The following ARHGAP15 variants were observed in gnomAD, a reference collection of about 807,000 sequenced individuals.
ARHGAP15 encodes the protein Rho GTPase activating protein 15, also known as rho GTPase-activating protein 15.
A neutral mutation model predicts 63.7 loss-of-function variants in ARHGAP15; 51 were observed. The ratio of observed to expected loss-of-function variants is 0.80; its 90% confidence interval spans 0.64 to 1.01. ARHGAP15 has a LOEUF of 1.01. Ranked by LOEUF, ARHGAP15 falls within the 50% of genes least tolerant of loss-of-function variation. The pLI is 0.00. For synonymous variants in ARHGAP15, 191 were observed against 193.8 expected (o/e 0.99, Z 0.12); for missense variants, 560 against 564.6 (o/e 0.99, Z 0.08).
chr2:143,505,274 T>G (rs1298117874), intron 9 of ARHGAP15, among the ~76,000 whole-genome samples: 3 of 152,202 alleles, frequency 2.0e-5, no homozygotes, highest in Admixed American at 2.0e-4. Flanking sequence ...GTCCCCTCCC[T>G]CCATAAGAGG....
At chr2:143,276,433 T>A (rs1245333595) in intron 6 of ARHGAP15, among the ~76,000 whole-genome samples, 1 of 152,240 alleles carries the variant, frequency 6.6e-6, no homozygotes, top group Non-Finnish European at 1.5e-5. Flanking sequence ...CAGAGGTGGG[T>A]TGCCTGTAGT....
intron 6 of ARHGAP15, among the ~76,000 whole-genome samples, chr2:143,370,985 T>C (rs1696170865): frequency 6.6e-6 from 1 of 152,224 alleles, no homozygotes; most frequent in African/African-American, 2.4e-5. Flanking sequence ...TCAAAATAGT[T>C]GTACAATGTG....
chr2:143,322,277 A>T (rs1299406200), intron 6 of ARHGAP15, among the ~76,000 whole-genome samples: 2 of 152,234 alleles, frequency 1.3e-5, no homozygotes, highest in Non-Finnish European at 2.9e-5. Context: ...TTGATTTGCC[A>T]AGAAAATCCG....
At chr2:143,710,367 C>T (rs759936563) in intron 13 of ARHGAP15, among the ~76,000 whole-genome samples, 13 of 151,964 alleles carry the variant, frequency 8.6e-5, no homozygotes, top group Non-Finnish European at 1.3e-4. Flanking sequence ...ACTCTGATCG[C>T]GAGGGTGAAG....
chr2:143,661,275 T>C (rs952781412), intron 12 of ARHGAP15, among the ~76,000 whole-genome samples: 1 of 152,228 alleles, frequency 6.6e-6, no homozygotes, highest in African/African-American at 2.4e-5. Flanking sequence ...GATAGCATTT[T>C]CATAGGTTCC....
chr2:143,488,343 G>A (rs1383799321), intron 9 of ARHGAP15, among the ~76,000 whole-genome samples: 3 of 152,170 alleles, frequency 2.0e-5, no homozygotes, highest in Non-Finnish European at 2.9e-5. Flanking sequence ...ATCACTGTTA[G>A]TGTGTCAAAT....
intron 8 of ARHGAP15, among the ~76,000 whole-genome samples, chr2:143,451,490 A>G (rs1402871667): frequency 6.6e-6 from 1 of 151,924 alleles, no homozygotes; most frequent in African/African-American, 2.4e-5. Context: ...TTTATTTGTC[A>G]TCAGATCCCA....
In ARHGAP15 at chr2:143,742,597, G is replaced by A. The variant is rs961278122; in HGVS notation, c.1245-25392G>A. ...AAAGAAAGGTTTAAAAGGAAATTGA[G>A]TCTGTGTTTACAAAACGATTCCAAT... is the stretch of plus-strand genomic sequence containing the variant. On this transcript the variant is annotated intron_variant, in intron 13 of 13. Transcript: ENST00000295095. Among the ~76,000 whole-genome samples the A allele has an allele frequency of 1.6e-4, 25 of 152,198 alleles. 1 individual carries two copies. Among genetic ancestry groups the A allele is most frequent in the African/African-American group, 6.0e-4 (25 of 41,442 alleles).
At chr2:143,710,021 T>C (rs1684506367) in intron 13 of ARHGAP15, among the ~76,000 whole-genome samples, 1 of 152,236 alleles carries the variant, frequency 6.6e-6, no homozygotes, top group Admixed American at 6.5e-5. Context: ...TGCTGTCTTC[T>C]GGCACTCCAT....
intron 9 of ARHGAP15, among the ~76,000 whole-genome samples, chr2:143,497,145 T>A (rs77867732): frequency 0.099 from 15,111 of 152,270 alleles, 978 homozygotes; most frequent in South Asian, 0.17. Context: ...TTAAGCATAC[T>A]CTGTGCTCTA....
At chr2:143,655,680 C>A (rs969317266) in intron 12 of ARHGAP15, among the ~76,000 whole-genome samples, 1 of 152,056 alleles carries the variant, frequency 6.6e-6, no homozygotes, top group Non-Finnish European at 1.5e-5. Context: ...ACTTTACTAA[C>A]CTTGGTAAAA....
chr2:143,337,118 G>A (rs2105275532), intron 6 of ARHGAP15, among the ~76,000 whole-genome samples: 1 of 152,234 alleles, frequency 6.6e-6, no homozygotes, highest in South Asian at 2.1e-4. Flanking sequence ...AGAAGGTGGA[G>A]CTTGGATAGG....
intron 1 of ARHGAP15, among the ~76,000 whole-genome samples, chr2:143,140,046 G>A (rs1429925561): frequency 1.3e-5 from 2 of 152,138 alleles, no homozygotes; most frequent in Non-Finnish European, 2.9e-5. Context: ...GGTAAGAGTA[G>A]CAGTAGTAAT....
intron 11 of ARHGAP15, among the ~76,000 whole-genome samples, chr2:143,610,454 A>G (rs2105215260): frequency 6.6e-6 from 1 of 152,312 alleles, no homozygotes; most frequent in African/African-American, 2.4e-5. Context: ...GAGAGTATAA[A>G]TCTGATGGGT....
intron 6 of ARHGAP15, among the ~76,000 whole-genome samples, chr2:143,417,847 G>A (rs1688751897): frequency 1.3e-5 from 2 of 152,128 alleles, no homozygotes; most frequent in African/African-American, 4.8e-5. Context: ...ATATCCAAAT[G>A]TCATAATATT....
intron 6 of ARHGAP15, among the ~76,000 whole-genome samples, chr2:143,288,219 C>T (rs1293461463): frequency 1.3e-5 from 2 of 152,160 alleles, no homozygotes; most frequent in African/African-American, 2.4e-5. Context: ...GAGTGTCACT[C>T]ATATGTATGC....
chr2:143,539,476 T>G (rs925556527), intron 10 of ARHGAP15, among the ~76,000 whole-genome samples: 2 of 152,154 alleles, frequency 1.3e-5, no homozygotes, highest in African/African-American at 4.8e-5. Context: ...GATGTTAGGG[T>G]GTCAATTTTA....
intron 9 of ARHGAP15, among the ~76,000 whole-genome samples, chr2:143,502,385 G>A (rs1693103844): frequency 1.3e-5 from 2 of 151,536 alleles, no homozygotes; most frequent in East Asian, 3.9e-4. Context: ...CTCCAGCCTG[G>A]GTGTCAAGAG....
chr2:143,656,050 G>GTTGCTTATAAGTTATAATAT (rs1681417448), intron 12 of ARHGAP15: 1 of 152,170 alleles, frequency 6.6e-6, no homozygotes, highest in South Asian at 2.1e-4. Flanking sequence ...CTGGATGGCA[G>GTTGCTTATAAGTTATAATAT]TTGCTTATAA....
Sources: gnomAD v4.1 joint callset for allele counts (sites outside exome capture counted in the v4.1 genomes callset) on GRCh38, gnomAD v4.1.1 for gene constraint, MANE v1.5 for transcripts, NCBI Gene and HGNC (gene_info 2026-07-23, HGNC 2026-07-21) for gene names.